The following SLC8A1 variants were observed in gnomAD, a reference collection of about 807,000 sequenced individuals.
The protein encoded by SLC8A1 is solute carrier family 8 member A1, also known as sodium/calcium exchanger 1.
A neutral mutation model predicts 68.3 loss-of-function variants in SLC8A1; 18 were observed. The observed-to-expected ratio is 0.26, with a 90% CI of 0.18 to 0.39. The LOEUF is 0.39. Among genes scored for constraint, SLC8A1 ranks in the 10% least tolerant of loss-of-function variants. The probability of loss-of-function intolerance (pLI) is 1.00; values close to 1 mark genes in which losing one functional copy is unlikely to be tolerated. For synonymous variants in SLC8A1, 475 were observed against 415.5 expected (o/e 1.14, Z -1.74); for missense variants, 985 against 1,156.7 (o/e 0.85, Z 2.15).
chr2:40,279,982 A>G (rs2067278286), intron 2 of SLC8A1, among the ~76,000 whole-genome samples: 1 of 152,184 alleles, frequency 6.6e-6, no homozygotes, highest in Admixed American at 6.6e-5. Context: ...TTAATATACA[A>G]TTGCATCTGT....
intron 2 of SLC8A1, among the ~76,000 whole-genome samples, chr2:40,309,762 C>G (rs975330816): frequency 6.6e-6 from 1 of 152,094 alleles, no homozygotes; most frequent in African/African-American, 2.4e-5. Context: ...CCTTGGCCTC[C>G]CAAAGTGCTG....
chr2:40,370,140 A>T (rs1677573727), intron 2 of SLC8A1, among the ~76,000 whole-genome samples: 1 of 152,128 alleles, frequency 6.6e-6, no homozygotes. Context: ...ACACAATACC[A>T]GTTAAAATTA....
chr2:40,468,933 A>G (rs1367041747), intron 1 of SLC8A1, among the ~76,000 whole-genome samples: 1 of 152,130 alleles, frequency 6.6e-6, no homozygotes, highest in Non-Finnish European at 1.5e-5. Flanking sequence ...AATAAAGAAA[A>G]TCAAAAATCA....
At chr2:40,381,730 C>A (rs1681871851) in intron 2 of SLC8A1, among the ~76,000 whole-genome samples, 2 of 151,294 alleles carry the variant, frequency 1.3e-5, no homozygotes, top group South Asian at 4.2e-4. Context: ...ATCTGAGTTC[C>A]TTTTTCAGGA....
chr2:40,478,851 A>C (rs1339504004), intron 1 of SLC8A1, among the ~76,000 whole-genome samples: 3 of 151,516 alleles, frequency 2.0e-5, no homozygotes, highest in African/African-American at 7.3e-5. Context: ...AGCTCACTGC[A>C]ACCTCCGCCT....
intron 2 of SLC8A1, among the ~76,000 whole-genome samples, chr2:40,399,562 T>C (rs895613237): frequency 3.3e-5 from 5 of 152,194 alleles, no homozygotes; most frequent in African/African-American, 1.2e-4. Context: ...AGACTGCAAT[T>C]TTTAATCTAA....
At chr2:40,360,210 C>A (rs1278474326) in intron 2 of SLC8A1, among the ~76,000 whole-genome samples, 1 of 152,066 alleles carries the variant, frequency 6.6e-6, no homozygotes, top group Non-Finnish European at 1.5e-5. Context: ...TTCCTAATGC[C>A]CAGCACACTG....
chr2:40,312,862 T>C (rs957345242), intron 2 of SLC8A1, among the ~76,000 whole-genome samples: 4 of 152,118 alleles, frequency 2.6e-5, no homozygotes, highest in Non-Finnish European at 5.9e-5. Flanking sequence ...GTTCCAGTTT[T>C]TTAACAGCTT....
At chr2:40,363,676 G>A (rs1313264033) in intron 2 of SLC8A1, among the ~76,000 whole-genome samples, 1 of 152,060 alleles carries the variant, frequency 6.6e-6, no homozygotes, top group Non-Finnish European at 1.5e-5. Flanking sequence ...GCCCATCAGA[G>A]CAAAAGACTT....
At chr2:40,451,737 TCACACACACACACACACACACACA>T (rs756970142) in intron 1 of SLC8A1, among the ~76,000 whole-genome samples, 143 bp downstream of exon 1, 3 of 133,664 alleles carry the variant, frequency 2.2e-5, no homozygotes, top group South Asian at 2.6e-4. Context: ...ACACACCACA[TCACACACACACACACACACACACA>T]CACACACACA....
intron 2 of SLC8A1, among the ~76,000 whole-genome samples, chr2:40,310,912 G>C (rs981831734): frequency 5.3e-5 from 8 of 152,076 alleles, no homozygotes; most frequent in African/African-American, 1.9e-4. Flanking sequence ...TTTTATATTA[G>C]CTTAAAAGAA....
intron 2 of SLC8A1, among the ~76,000 whole-genome samples, chr2:40,178,028 G>C (rs1423307298): frequency 1.3e-5 from 2 of 152,130 alleles, no homozygotes; most frequent in Non-Finnish European, 2.9e-5. Context: ...CCCCCATTAA[G>C]TTTTCTTTGC....
intron 1 of SLC8A1, among the ~76,000 whole-genome samples, chr2:40,480,024 G>A (rs1206280302): frequency 6.6e-6 from 1 of 151,984 alleles, no homozygotes; most frequent in South Asian, 2.1e-4. Flanking sequence ...CTGCAGGATG[G>A]GACTAACACA....
At chr2:40,372,853 GTGT>G (rs1559427151) in intron 2 of SLC8A1, among the ~76,000 whole-genome samples, 1 of 152,082 alleles carries the variant, frequency 6.6e-6, no homozygotes, top group Non-Finnish European at 1.5e-5. Context: ...TCTGGCTTTG[GTGT>G]TAACATAGGG....
chr2:40,283,429 C>A (rs1244077108), intron 2 of SLC8A1, among the ~76,000 whole-genome samples: 1 of 151,998 alleles, frequency 6.6e-6, no homozygotes, highest in Non-Finnish European at 1.5e-5. Flanking sequence ...GTATTAAGAC[C>A]CAGATGGTTC....
At chr2:40,490,105 T>C (rs4952630) in intron 1 of SLC8A1, among the ~76,000 whole-genome samples, 35,577 of 152,038 alleles carry the variant, frequency 0.23, 4,238 homozygotes, top group Middle Eastern at 0.3. Flanking sequence ...TCTTCCACCA[T>C]GAAACTAGTG....
chr2:40,401,946 A>G (rs1688873540), intron 2 of SLC8A1, among the ~76,000 whole-genome samples: 1 of 152,152 alleles, frequency 6.6e-6, no homozygotes. Flanking sequence ...CCCATATCTA[A>G]TTTTCTAACT....
chr2:40,189,872 C>T (rs10490207), intron 2 of SLC8A1: 17,634 of 152,140 alleles, frequency 0.12, 1,114 homozygotes, highest in Non-Finnish European at 0.13. Flanking sequence ...CCACTCTGGA[C>T]TCTTAATGTA....
intron 2 of SLC8A1, among the ~76,000 whole-genome samples, chr2:40,213,982 G>C (rs758270165): frequency 3.9e-5 from 6 of 152,196 alleles, no homozygotes; most frequent in Non-Finnish European, 5.9e-5. Context: ...AATAGCCACA[G>C]ATGATCACAG....
Sources: gnomAD v4.1 joint callset for allele counts (sites outside exome capture counted in the v4.1 genomes callset) on GRCh38, gnomAD v4.1.1 for gene constraint, MANE v1.5 for transcripts, NCBI Gene and HGNC (gene_info 2026-07-23, HGNC 2026-07-21) for gene names.